ARHGEF4: variants seen among roughly 807,000 people sequenced by gnomAD.
ARHGEF4 encodes the protein APC-stimulated guanine nucleotide exchange factor 1.
A neutral mutation model predicts 162.0 loss-of-function variants in ARHGEF4; 119 were observed. That is an observed-to-expected ratio of 0.73 (90% CI 0.63 to 0.86). The LOEUF (loss-of-function observed/expected upper bound fraction) is 0.86. ARHGEF4 is among the 40% of genes least tolerant of loss of function. The probability of loss-of-function intolerance (pLI) is 0.00; values close to 1 mark genes in which losing one functional copy is unlikely to be tolerated. For synonymous variants in ARHGEF4, 1,014 were observed against 979.9 expected, an observed-to-expected ratio of 1.03 and a Z score of -0.65; for missense variants, 2,488 against 2,456.0, an observed-to-expected ratio of 1.01 and a Z score of -0.28.
chr2:131,034,002 CAT>C (rs780718193), intron 5 of ARHGEF4, among the ~76,000 whole-genome samples: 83 of 152,232 alleles, frequency 5.5e-4, no homozygotes, highest in Non-Finnish European at 1.0e-3. Flanking sequence ...CATGCACACA[CAT>C]GTGGCATCCA....
chr2:130,903,168 C>T (rs1680597356), intron 1 of ARHGEF4, among the ~76,000 whole-genome samples: 1 of 149,228 alleles, frequency 6.7e-6, no homozygotes. Context: ...TTTTATGGTG[C>T]CTGTTTTGAA....
intron 1 of ARHGEF4, among the ~76,000 whole-genome samples, chr2:130,844,990 A>T (rs998438567): frequency 6.6e-6 from 1 of 151,594 alleles, no homozygotes; most frequent in Non-Finnish European, 1.5e-5. Context: ...CACCCAGCTA[A>T]TTTTTGTATT....
At chr2:131,027,828 C>G in intron 4 of ARHGEF4, 117 bp from the exon 5 acceptor site, 1 of 1,263,246 alleles carries the variant, frequency 7.9e-7, no homozygotes, top group Non-Finnish European at 1.1e-6. Context: ...GCAACCTGCA[C>G]GCTCCCCCTG....
intron 4 of ARHGEF4, chr2:130,963,760 G>A (rs1417163196): frequency 6.8e-6 from 1 of 147,028 alleles, no homozygotes; most frequent in Non-Finnish European, 1.5e-5. Context: ...GCGAGCTGAC[G>A]CGCTGCGCTC....
intron 1 of ARHGEF4, among the ~76,000 whole-genome samples, chr2:130,872,341 G>A (rs936229296): frequency 1.3e-5 from 2 of 152,150 alleles, no homozygotes; most frequent in African/African-American, 2.4e-5. Flanking sequence ...GAAGGCACCA[G>A]GAGCATGCGA....
At chr2:130,842,957 T>C (rs1480523498) in intron 1 of ARHGEF4, among the ~76,000 whole-genome samples, 3 of 152,082 alleles carry the variant, frequency 2.0e-5, no homozygotes, top group Admixed American at 6.5e-5. Flanking sequence ...GCCCCGGGTG[T>C]GGGCTCCACT....
At chr2:130,867,801 C>T (rs1184123868) in intron 1 of ARHGEF4, among the ~76,000 whole-genome samples, 1 of 152,190 alleles carries the variant, frequency 6.6e-6, no homozygotes, top group African/African-American at 2.4e-5. Flanking sequence ...CCTTCACGTT[C>T]CAGCCTTCTC....
rs1365168730 is a variant in ARHGEF4, at chr2:130,854,524, T to C, written c.39+17532T>C. ...TGGCATTCTCATCCTCAGCCCCATG[T>C]TGCAGAAGCTCTGTTTCTGGCAAGT... On this transcript the variant is annotated intron_variant, in intron 1 of 13. Coordinates refer to ENST00000409359, the MANE Select transcript of ARHGEF4 (RefSeq NM_001367493.1). 2.0e-5 allele frequency among the ~76,000 whole-genome samples: 3 copies of C among 146,506 alleles called. No individual in the cohort carries two copies. In the East Asian group the frequency reaches 6.1e-4, roughly 30 times the overall value.
intron 1 of ARHGEF4, among the ~76,000 whole-genome samples, chr2:130,890,178 A>G (rs1365721792): frequency 6.6e-6 from 1 of 152,206 alleles, no homozygotes; most frequent in Non-Finnish European, 1.5e-5. Flanking sequence ...TGTCTTTGTC[A>G]TCTTCTCTCC....
intron 4 of ARHGEF4, among the ~76,000 whole-genome samples, chr2:131,002,153 C>T (rs901390324): frequency 2.0e-5 from 3 of 152,156 alleles, no homozygotes; most frequent in South Asian, 4.1e-4. Context: ...ACAAGGTGCA[C>T]GCAATGCCCT....
At chr2:130,949,626 TTA>T (rs1258281693) in intron 4 of ARHGEF4, among the ~76,000 whole-genome samples, 1 of 151,932 alleles carries the variant, frequency 6.6e-6, no homozygotes, top group African/African-American at 2.4e-5. Flanking sequence ...AGTGCTGGGA[TTA>T]CAGGCATGAG....
chr2:131,020,340 T>A (rs1458914302), intron 4 of ARHGEF4, among the ~76,000 whole-genome samples: 1 of 71,640 alleles, frequency 1.4e-5, no homozygotes, highest in Admixed American at 2.2e-4. Flanking sequence ...CCCTCCCCCC[T>A]CCCCCCACCC....
At chr2:130,878,647 C>T (rs1679011890) in intron 1 of ARHGEF4, among the ~76,000 whole-genome samples, 1 of 152,204 alleles carries the variant, frequency 6.6e-6, no homozygotes, top group Non-Finnish European at 1.5e-5. Context: ...TCTTGGCTTT[C>T]CCAGCACATA....
At chr2:130,904,392 C>T (rs1680688962) in intron 1 of ARHGEF4, among the ~76,000 whole-genome samples, 1 of 152,184 alleles carries the variant, frequency 6.6e-6, no homozygotes, top group African/African-American at 2.4e-5. Flanking sequence ...TGGGCCTCTT[C>T]TGACCCTGCT....
At chr2:131,024,710 A>G (rs1689363454) in intron 4 of ARHGEF4, among the ~76,000 whole-genome samples, 1 of 152,224 alleles carries the variant, frequency 6.6e-6, no homozygotes, top group Admixed American at 6.5e-5. Context: ...CGTTTCAGAA[A>G]CATATGCTCT....
chr2:130,875,560 A>C (rs953182938), intron 1 of ARHGEF4, among the ~76,000 whole-genome samples: 4 of 152,130 alleles, frequency 2.6e-5, no homozygotes, highest in African/African-American at 9.7e-5. Context: ...ACCAGCTCTC[A>C]TGGCAACTAA....
intron 4 of ARHGEF4, among the ~76,000 whole-genome samples, chr2:130,980,350 C>T (rs1054579054): frequency 6.8e-6 from 1 of 147,542 alleles, no homozygotes; most frequent in Non-Finnish European, 1.5e-5. Context: ...GAGCCAAGAT[C>T]ATGCCATCCA....
chr2:130,962,081 A>C (rs1684658220), intron 4 of ARHGEF4, among the ~76,000 whole-genome samples: 1 of 152,074 alleles, frequency 6.6e-6, no homozygotes, highest in Admixed American at 6.6e-5. Context: ...TCTACTAAAA[A>C]TACAAAAATT....
At chr2:130,892,064 C>T (rs894888982) in intron 1 of ARHGEF4, among the ~76,000 whole-genome samples, 2 of 152,162 alleles carry the variant, frequency 1.3e-5, no homozygotes, top group African/African-American at 2.4e-5. Flanking sequence ...GGTGCAAGTG[C>T]TCCTCCTACC....
Sources: gnomAD v4.1 joint callset for allele counts (sites outside exome capture counted in the v4.1 genomes callset) on GRCh38, gnomAD v4.1.1 for gene constraint, MANE v1.5 for transcripts, NCBI Gene and HGNC (gene_info 2026-07-23, HGNC 2026-07-21) for gene names.